Variants in MSN observed in about 807,000 individuals in gnomAD.
The protein encoded by MSN is epididymis luminal protein 70.
MSN carries 2 observed loss-of-function variants against 48.0 expected under a neutral mutation model. That is an observed-to-expected ratio of 0.04 (90% CI 0.02 to 0.13). The LOEUF (loss-of-function observed/expected upper bound fraction) is 0.13, where lower values mean the gene tolerates loss of function less well. Ranked by LOEUF, MSN falls within the 10% of genes least tolerant of loss-of-function variation. MSN has a pLI of 1.00. For synonymous variants in MSN, 146 were observed against 166.9 expected, an observed-to-expected ratio of 0.87 and a Z score of 0.97; for missense variants, 267 against 470.1, an observed-to-expected ratio of 0.57 and a Z score of 3.99.
chrX:65,651,316 TAAA>T (rs202012665), intron 1 of MSN, among the ~76,000 whole-genome samples: 7 of 77,045 alleles, frequency 9.1e-5, no homozygotes, highest in Admixed American at 6.3e-4. Flanking sequence ...AGACTCTATC[TAAA>T]AAAAAAAAAA....
At chrX:65,589,542 C>T (rs5964987) in intron 1 of MSN, 20,291 of 111,995 alleles carry the variant, frequency 0.18, 4,559 homozygotes, top group African/African-American at 0.63. Flanking sequence ...GCTGTCACAT[C>T]ACTTCTGTGG....
intron 1 of MSN, among the ~76,000 whole-genome samples, chrX:65,603,867 T>C (rs1488400920): frequency 3.6e-5 from 4 of 111,791 alleles, no homozygotes; most frequent in African/African-American, 1.3e-4. Context: ...GGGAACATAT[T>C]TGAGAGATCA....
chrX:65,633,012 G>A (rs2070570538), intron 1 of MSN, among the ~76,000 whole-genome samples: 1 of 111,366 alleles, frequency 9.0e-6, no homozygotes, highest in Non-Finnish European at 1.9e-5. Flanking sequence ...AGGGAGGGCT[G>A]GCATGGATTC....
At chrX:65,659,365 G>A (rs758601738) in intron 1 of MSN, among the ~76,000 whole-genome samples, 1 of 111,182 alleles carries the variant, frequency 9.0e-6, no homozygotes, top group East Asian at 2.8e-4. Flanking sequence ...TTTTGGCCAG[G>A]CTGGTCTCAA....
chrX:65,634,734 G>T (rs1203032723), intron 1 of MSN, among the ~76,000 whole-genome samples: 1 of 112,959 alleles, frequency 8.9e-6, no homozygotes, highest in African/African-American at 3.2e-5. Context: ...AGATAGGAAA[G>T]TATTCTCATT....
intron 1 of MSN, among the ~76,000 whole-genome samples, chrX:65,605,947 A>T (rs1340826247): frequency 1.8e-5 from 2 of 110,548 alleles, no homozygotes; most frequent in Non-Finnish European, 3.8e-5. Context: ...TAATTGATTA[A>T]TCAATCAATT....
intron 1 of MSN, among the ~76,000 whole-genome samples, chrX:65,648,304 G>T (rs962149582): frequency 8.9e-6 from 1 of 112,120 alleles, no homozygotes; most frequent in Non-Finnish European, 1.9e-5. Flanking sequence ...TGTAATCCCA[G>T]CACTTTGGGA....
intron 1 of MSN, among the ~76,000 whole-genome samples, chrX:65,696,444 G>C (rs945350475): frequency 1.8e-5 from 2 of 111,780 alleles, no homozygotes; most frequent in Non-Finnish European, 3.8e-5. Context: ...GTTTGCTTTG[G>C]ATTATGGAAC....
intron 11 of MSN, 97 bp downstream of exon 11, chrX:65,738,714 T>C: frequency 1.2e-6 from 1 of 829,750 alleles, no homozygotes; most frequent in Non-Finnish European, 1.7e-6. Flanking sequence ...TCCCTCCCTC[T>C]TTCATACTTC....
At chrX:65,610,431 A>T (rs987165108) in intron 1 of MSN, among the ~76,000 whole-genome samples, 3 of 112,581 alleles carry the variant, frequency 2.7e-5, no homozygotes, top group African/African-American at 9.7e-5. Flanking sequence ...CATATATAAG[A>T]ACTTCATTCC....
intron 2 of MSN, among the ~76,000 whole-genome samples, chrX:65,721,124 G>A (rs753874060): frequency 9.0e-6 from 1 of 111,711 alleles, no homozygotes; most frequent in South Asian, 3.7e-4. Context: ...TGTTCTTCAG[G>A]AACTTGGAGT....
chrX:65,629,954 C>T (rs898931237), intron 1 of MSN, among the ~76,000 whole-genome samples: 2 of 110,578 alleles, frequency 1.8e-5, no homozygotes, highest in South Asian at 3.8e-4. Context: ...TGAGGTGGGC[C>T]GATGACTTGA....
At chrX:65,589,116 G>A (rs1415495683) in intron 1 of MSN, 3 of 127,191 alleles carry the variant, frequency 2.4e-5, no homozygotes, top group Non-Finnish European at 4.8e-5. Flanking sequence ...AGGCCCTACA[G>A]CTTCCCTGTC....
chrX:65,624,570 T>G (rs1355788245), intron 1 of MSN: 12 of 72,502 alleles, frequency 1.7e-4, no homozygotes, highest in South Asian at 4.6e-4. Flanking sequence ...GTTTAGTGGG[T>G]TTTTTTTTTT....
At chrX:65,597,805 T>G (rs186716501) in intron 1 of MSN, among the ~76,000 whole-genome samples, 2 of 112,411 alleles carry the variant, frequency 1.8e-5, no homozygotes, top group Admixed American at 1.9e-4. Flanking sequence ...TTTTCACATC[T>G]GCAAAATGAT....
At chrX:65,613,646 G>A (rs2070341132) in intron 1 of MSN, among the ~76,000 whole-genome samples, 2 of 112,121 alleles carry the variant, frequency 1.8e-5, no homozygotes, top group African/African-American at 6.5e-5. Flanking sequence ...TTTTTCATAA[G>A]TTTGTTGACA....
At chrX:65,710,503 A>G (rs1340053769) in intron 1 of MSN, among the ~76,000 whole-genome samples, 1 of 111,244 alleles carries the variant, frequency 9.0e-6, no homozygotes, top group East Asian at 2.8e-4. Flanking sequence ...AAAATTACTT[A>G]TTTGTTTTTT....
intron 1 of MSN, among the ~76,000 whole-genome samples, chrX:65,598,514 G>T (rs779249232): frequency 2.7e-5 from 3 of 111,543 alleles, no homozygotes; most frequent in African/African-American, 9.8e-5. Context: ...CCAGGCAGCC[G>T]CATGAGAGAA....
intron 1 of MSN, among the ~76,000 whole-genome samples, chrX:65,627,946 G>T (rs1457215113): frequency 8.9e-6 from 1 of 112,263 alleles, no homozygotes; most frequent in Admixed American, 9.4e-5. Context: ...ATCCAGTGGG[G>T]TGGTCAAATT....
Sources: gnomAD v4.1 joint callset for allele counts (sites outside exome capture counted in the v4.1 genomes callset) on GRCh38, gnomAD v4.1.1 for gene constraint, MANE v1.5 for transcripts, NCBI Gene and HGNC (gene_info 2026-07-23, HGNC 2026-07-21) for gene names.